The following MACROD2 variants were observed in gnomAD, a reference collection of about 807,000 sequenced individuals.
MACROD2 encodes the protein mono-ADP ribosylhydrolase 2.
A neutral mutation model predicts 70.4 loss-of-function variants in MACROD2; 36 were observed. The observed-to-expected ratio is 0.51, with a 90% confidence interval of 0.39 to 0.68. The LOEUF (loss-of-function observed/expected upper bound fraction) is 0.68, where lower values mean the gene tolerates loss of function less well. MACROD2 is among the 30% of genes least tolerant of loss of function. The pLI is 0.00. For missense variants in MACROD2, 496 were observed against 538.4 expected, an observed-to-expected ratio of 0.92 and a Z score of 0.78; for synonymous variants, 172 against 178.8, an observed-to-expected ratio of 0.96 and a Z score of 0.30.
At chr20:15,336,374 CAAAA>C (rs375025202) in intron 6 of MACROD2, among the ~76,000 whole-genome samples, 2 of 104,794 alleles carry the variant, frequency 1.9e-5, no homozygotes, top group African/African-American at 7.4e-5. Context: ...GTGTTTTAAC[CAAAA>C]AAAAAAAAGA....
At chr20:15,700,512 T>TC (rs2050441687) in intron 8 of MACROD2, among the ~76,000 whole-genome samples, 1 of 152,164 alleles carries the variant, frequency 6.6e-6, no homozygotes, top group Non-Finnish European at 1.5e-5. Context: ...CTCTTATTTT[T>TC]CCCCCTGAAT....
intron 7 of MACROD2, among the ~76,000 whole-genome samples, chr20:15,451,435 AAAAAAAAAG>A (rs2046641742): frequency 6.6e-6 from 1 of 151,000 alleles, no homozygotes; most frequent in Non-Finnish European, 1.5e-5. Context: ...AAAAAAAAAA[AAAAAAAAAG>A]AGTCACCTTT....
At position 14,085,727 on chromosome 20, in the gene MACROD2, C is replaced by A; in HGVS notation, c.270C>A (p.Ala90=). 6.7e-7 allele frequency: 1 copy of A among 1,491,314 alleles called. No individual in the cohort carries two copies. Among genetic ancestry groups the A allele is most frequent in the Non-Finnish European group, 9.0e-7 (1 of 1,115,694 alleles). The allele number at this position is 1,491,314 out of a possible 1,614,324, so 92.4% of individuals were successfully genotyped here. A position where few individuals can be genotyped will look rare whatever the true frequency, so the allele number is the denominator to read the frequency against. The change falls in exon 3 of 18, where the codon GCC becomes GCA. Residue 90 remains alanine (A), a splice_region_variant and synonymous_variant. Coordinates refer to ENST00000684519, the MANE Select transcript of MACROD2 (RefSeq NM_001351661.2). ...TAGAGGTAGATGCTATAGTCAATGC[C>A]GGTGAGTAGTTGATTTTCCTGTGAT... The part of the protein sequence containing the change: ...TLLEVDAIVN[A]ANASLLGGGG...
rs1486586999 is a variant in MACROD2 at position 14,196,394 on chromosome 20, T to C, written c.271+110666T>C. 2.0e-5 allele frequency among the ~76,000 whole-genome samples: 3 copies of C among 152,238 alleles called. No individual in the cohort carries two copies. In the East Asian group the frequency reaches 5.8e-4, roughly 29 times the overall value. ...TTAGACTGTCAGCCATTTGAGGGAC[T>C]GAGGCAGTAAAAGAGTAGGTATTTA... On this transcript the variant is annotated intron_variant, in intron 3 of 17. Transcript: ENST00000684519.
At chr20:15,961,411 G>A (rs537639230) in intron 12 of MACROD2, among the ~76,000 whole-genome samples, 2 of 152,270 alleles carry the variant, frequency 1.3e-5, no homozygotes, top group African/African-American at 4.8e-5. Flanking sequence ...AGCCAACAAG[G>A]TAGGTTATAT....
intron 8 of MACROD2, among the ~76,000 whole-genome samples, chr20:15,660,428 C>T (rs879730291): frequency 3.9e-5 from 6 of 151,980 alleles, no homozygotes; most frequent in Admixed American, 3.9e-4. Flanking sequence ...AGCTCACTGA[C>T]ACCTGGAAAG....
chr20:15,263,221 G>A (rs948062711), intron 6 of MACROD2, among the ~76,000 whole-genome samples: 9 of 151,942 alleles, frequency 5.9e-5, no homozygotes, highest in East Asian at 1.9e-4. Context: ...TTTTGTTTAC[G>A]GTGAGAGATA....
chr20:14,423,655 G>A (rs1410269554), intron 3 of MACROD2, among the ~76,000 whole-genome samples: 2 of 130,410 alleles, frequency 1.5e-5, no homozygotes, highest in African/African-American at 5.9e-5. Flanking sequence ...AGCTGAGATC[G>A]CCTCACTGCA....
chr20:14,251,118 T>C (rs1482636225), intron 3 of MACROD2, among the ~76,000 whole-genome samples: 1 of 152,148 alleles, frequency 6.6e-6, no homozygotes, highest in African/African-American at 2.4e-5. Context: ...TCGAATGTGT[T>C]TGAGGACCTA....
intron 2 of MACROD2, among the ~76,000 whole-genome samples, chr20:14,061,664 A>G (rs931026082): frequency 2.0e-5 from 3 of 152,136 alleles, no homozygotes; most frequent in Admixed American, 6.5e-5. Flanking sequence ...GATGACCTCA[A>G]AAATAATGAT....
chr20:15,795,426 C>T (rs1442929108), intron 8 of MACROD2, among the ~76,000 whole-genome samples: 7 of 151,808 alleles, frequency 4.6e-5, no homozygotes, highest in African/African-American at 9.7e-5. Flanking sequence ...TTGATTTGGG[C>T]GTTTGAGAAT....
intron 5 of MACROD2, among the ~76,000 whole-genome samples, chr20:14,697,049 G>A (rs1489286814): frequency 6.6e-6 from 1 of 152,136 alleles, no homozygotes; most frequent in Non-Finnish European, 1.5e-5. Flanking sequence ...TGTTCAGTTT[G>A]TGGAGCTGTT....
At chr20:15,535,007 A>G (rs544941195) in intron 8 of MACROD2, among the ~76,000 whole-genome samples, 85 of 152,168 alleles carry the variant, frequency 5.6e-4, no homozygotes, top group South Asian at 8.3e-4. Context: ...ACGGGCTCTC[A>G]CTCTGTCACG....
intron 4 of MACROD2, among the ~76,000 whole-genome samples, chr20:14,553,464 AATAGT>A (rs1978809245): frequency 6.7e-6 from 1 of 150,124 alleles, no homozygotes; most frequent in African/African-American, 2.5e-5. Context: ...AACAGCAATC[AATAGT>A]ATGGTAGATA....
rs575961667 is a variant in MACROD2, at chr20:15,188,396, C to T, written c.419-41544C>T. 8.3e-4 allele frequency among the ~76,000 whole-genome samples: 126 copies of T among 152,240 alleles called. 2 individuals carry two copies. Among genetic ancestry groups the T allele is most frequent in the South Asian group, 1.2e-3 (6 of 4,818 alleles). On this transcript the variant is annotated intron_variant, in intron 5 of 17. Transcript: ENST00000684519. Reference sequence around the variant, plus strand: ...TCAAACCTCTGTATCTCCAAAGAGTCGAGCAACATGGTTAGTATATTAACC... The same window carrying T: ...TCAAACCTCTGTATCTCCAAAGAGTTGAGCAACATGGTTAGTATATTAACC...
At chr20:14,761,600 G>A (rs989509234) in intron 5 of MACROD2, among the ~76,000 whole-genome samples, 3 of 152,110 alleles carry the variant, frequency 2.0e-5, no homozygotes, top group African/African-American at 4.8e-5. Context: ...ACTGGTATGC[G>A]AGAGCAAGTC....
chr20:15,382,401 A>G lies in MACROD2; in HGVS notation c.541-49004A>G, dbSNP rs528453764. ...AAAAATATGATTGCCTTATGATTAA[A>G]CTCTACAAATCATGCTTCTTTAATG... On this transcript the variant is annotated intron_variant, in intron 6 of 17. Transcript: ENST00000684519. Among the ~76,000 whole-genome samples, 4 of 152,148 alleles carry G rather than the reference A, an allele frequency of 2.6e-5. No homozygotes were observed. In the South Asian group the frequency reaches 8.3e-4, roughly 32 times the overall value.
chr20:14,813,505 C>G (rs1040899092), intron 5 of MACROD2, among the ~76,000 whole-genome samples: 1 of 152,096 alleles, frequency 6.6e-6, no homozygotes, highest in East Asian at 1.9e-4. Context: ...CTTCTAGATT[C>G]ATCCATGTCC....
intron 2 of MACROD2, among the ~76,000 whole-genome samples, chr20:14,059,270 C>T (rs377383466): frequency 1.3e-5 from 2 of 151,958 alleles, no homozygotes; most frequent in African/African-American, 4.8e-5. Flanking sequence ...TGTTTAATCT[C>T]GAGTTAATTT....
Sources: allele counts gnomAD v4.1 joint callset (sites outside exome capture counted in the v4.1 genomes callset), GRCh38; gene constraint gnomAD v4.1.1; transcripts MANE v1.5; gene names NCBI Gene and HGNC (gene_info 2026-07-23, HGNC 2026-07-21).